SLC22A25: variants seen among roughly 807,000 people sequenced by gnomAD.
SLC22A25 encodes the protein MGI:2442751, MGI:2385316, MGI:3042283, MGI:3645714, MGI:3605624, MGI:2442750.
A neutral mutation model predicts 45.9 loss-of-function variants in SLC22A25; 44 were observed. The ratio of observed to expected loss-of-function variants is 0.96; its 90% CI spans 0.75 to 1.23. The LOEUF is 1.23. Ranked by LOEUF, SLC22A25 falls within the 50% of genes most tolerant of loss-of-function variation. The pLI is 0.00. For synonymous variants in SLC22A25, 283 were observed against 238.6 expected, an observed-to-expected ratio of 1.19 and a Z score of -1.72; for missense variants, 800 against 666.4, an observed-to-expected ratio of 1.20 and a Z score of -2.21.
At chr11:63,242,658 A>T (rs2090268664) in intron 1 of SLC22A25, among the ~76,000 whole-genome samples, 2 of 152,150 alleles carry the variant, frequency 1.3e-5, no homozygotes. Flanking sequence ...CTCCTTTGGC[A>T]ACACCCTCAC....
chr11:63,164,730 TC>T, intron 10 of SLC22A25, 96 bp from the exon 11 acceptor site: 1 of 955,814 alleles, frequency 1.0e-6, no homozygotes, highest in Non-Finnish European at 1.7e-6. Flanking sequence ...TGGAGGTGTT[TC>T]CAGGGGTAAA....
rs780210052 is a variant in SLC22A25 at position 63,183,805 on chromosome 11, C to T, written c.843G>A (p.Glu281=). The T allele has an allele frequency of 6.2e-7, 1 of 1,612,928 alleles. No homozygotes were observed. Among genetic ancestry groups the T allele is most frequent in the Non-Finnish European group, 8.5e-7 (1 of 1,179,302 alleles). ...VFFLFSRWLA[E]SARWLIINNK... ...TGTTGATAATGAGCCACCGAGCAGA[C>T]TCTGCCAGCCACCTGAGCAAAGAAG... Residue 281 remains glutamate, a synonymous_variant, in exon 8 of 12, where the codon GAG becomes GAA. Coordinates refer to ENST00000306494, the MANE Select transcript of SLC22A25 (RefSeq NM_199352.6).
chr11:63,187,624 G>A (rs1272136701), intron 7 of SLC22A25, among the ~76,000 whole-genome samples: 1 of 152,150 alleles, frequency 6.6e-6, no homozygotes, highest in East Asian at 1.9e-4. Flanking sequence ...TCTTGTGCCA[G>A]TTTTCAAAGG....
chr11:63,190,220 A>G (rs924452617), intron 7 of SLC22A25, among the ~76,000 whole-genome samples: 1 of 152,018 alleles, frequency 6.6e-6, no homozygotes, highest in Non-Finnish European at 1.5e-5. Flanking sequence ...ATAGTCCCAT[A>G]TTTCCTGGAG....
intron 1 of SLC22A25, among the ~76,000 whole-genome samples, chr11:63,241,209 A>C (rs1206089871): frequency 6.6e-6 from 1 of 152,238 alleles, no homozygotes; most frequent in Non-Finnish European, 1.5e-5. Flanking sequence ...ACCATAATAT[A>C]GTTGCAAAAC....
At chr11:63,220,435 G>A (rs2134822843) in intron 5 of SLC22A25, among the ~76,000 whole-genome samples, 1 of 152,156 alleles carries the variant, frequency 6.6e-6, no homozygotes, top group South Asian at 2.1e-4. Flanking sequence ...AAATGTTGTG[G>A]CACTTTCTTT....
chr11:63,174,327 T>C (rs1173006601), intron 9 of SLC22A25, among the ~76,000 whole-genome samples: 1 of 152,138 alleles, frequency 6.6e-6, no homozygotes, highest in Non-Finnish European at 1.5e-5. Context: ...AGGATAGCAA[T>C]GAGAACACAA....
At chr11:63,180,864 T>C (rs1033390327) in intron 8 of SLC22A25, 89 bp from the exon 9 acceptor site, 4 of 825,908 alleles carry the variant, frequency 4.8e-6, no homozygotes, top group African/African-American at 1.7e-5. Context: ...GATGACAAGA[T>C]AGATGACATC....
At chr11:63,225,703 T>C (rs1399488883) in intron 5 of SLC22A25, among the ~76,000 whole-genome samples, 2 of 152,176 alleles carry the variant, frequency 1.3e-5, no homozygotes. Context: ...TCTTAATAGC[T>C]CTTTGAATAA....
chr11:63,217,702 G>A lies in SLC22A25; in HGVS notation c.540C>T (p.Tyr180=). The change falls in exon 6 of 12, where the codon TAC becomes TAT. Residue 180 remains tyrosine (Y), a synonymous_variant. Coordinates refer to ENST00000306494, the MANE Select transcript of SLC22A25 (RefSeq NM_199352.6). ...FGRKFVLRWS[Y]LQLAIVGTCA... ...AGGTGCCTACAATGGCGAGCTGGAG[G>A]TAAGACCATCTGAGCACGAACTTTC... 6.2e-7 allele frequency: 1 copy of A among 1,613,542 alleles called. No homozygotes were observed. Among genetic ancestry groups the A allele is most frequent in the Non-Finnish European group, 8.5e-7 (1 of 1,179,846 alleles).
At chr11:63,194,973 T>C (rs1202019282) in intron 7 of SLC22A25, among the ~76,000 whole-genome samples, 10 of 127,876 alleles carry the variant, frequency 7.8e-5, no homozygotes, top group Non-Finnish European at 1.3e-4. Context: ...TAAAACAGAC[T>C]TTAAACCAAC....
intron 7 of SLC22A25, among the ~76,000 whole-genome samples, chr11:63,196,382 C>A (rs1222333685): frequency 2.6e-5 from 4 of 152,154 alleles, no homozygotes; most frequent in African/African-American, 7.2e-5. Context: ...CCGAATCCAG[C>A]AGCACATCAA....
intron 7 of SLC22A25, among the ~76,000 whole-genome samples, chr11:63,213,191 T>C (rs116320051): frequency 2.0e-5 from 3 of 152,212 alleles, no homozygotes; most frequent in African/African-American, 7.2e-5. Context: ...TTCTCCCTTA[T>C]AGCAAGGCTC....
intron 9 of SLC22A25, among the ~76,000 whole-genome samples, chr11:63,171,603 G>A (rs1239384381): frequency 6.6e-6 from 1 of 152,116 alleles, no homozygotes; most frequent in East Asian, 1.9e-4. Flanking sequence ...ACTTACAAGG[G>A]ACGTGAAGGA....
At chr11:63,211,670 G>A (rs1345694942) in intron 7 of SLC22A25, among the ~76,000 whole-genome samples, 2 of 152,092 alleles carry the variant, frequency 1.3e-5, no homozygotes, top group Non-Finnish European at 2.9e-5. Context: ...ATTAATTCAA[G>A]ATGGATTAAA....
At chr11:63,235,935 G>C (rs547860099) in intron 3 of SLC22A25, among the ~76,000 whole-genome samples, 1 of 152,316 alleles carries the variant, frequency 6.6e-6, no homozygotes. Context: ...CTGGGTATCA[G>C]CAGCGGTGGC....
intron 5 of SLC22A25, chr11:63,218,100 T>A (rs985211249): frequency 1.1e-5 from 5 of 473,804 alleles, no homozygotes; most frequent in African/African-American, 3.9e-5. Flanking sequence ...GAAGCACTAT[T>A]CACAGTAGCA....
chr11:63,204,490 C>T (rs1001751720), intron 7 of SLC22A25, among the ~76,000 whole-genome samples: 1 of 152,070 alleles, frequency 6.6e-6, no homozygotes, highest in Non-Finnish European at 1.5e-5. Context: ...GAAAGAAAAG[C>T]AGGGGTTGTA....
At chr11:63,186,864 G>T (rs1181064669) in intron 7 of SLC22A25, among the ~76,000 whole-genome samples, 6 of 151,986 alleles carry the variant, frequency 3.9e-5, no homozygotes, top group African/African-American at 1.5e-4. Flanking sequence ...TAGATATGTG[G>T]CATTATTTCT....
Sources: allele counts gnomAD v4.1 joint callset (sites outside exome capture counted in the v4.1 genomes callset), GRCh38; gene constraint gnomAD v4.1.1; transcripts MANE v1.5; gene names NCBI Gene and HGNC (gene_info 2026-07-23, HGNC 2026-07-21).